WNT10A: variants seen among roughly 807,000 people sequenced by gnomAD.
WNT10A encodes the protein protein Wnt-10a.
In WNT10A, 37 loss-of-function variants were observed where a neutral mutation model predicts 36.1. The observed-to-expected ratio is 1.02, with a 90% CI of 0.79 to 1.35. The LOEUF (loss-of-function observed/expected upper bound fraction) is 1.35. Ranked by LOEUF, WNT10A falls within the 40% of genes most tolerant of loss-of-function variation. The pLI is 0.00. For missense variants in WNT10A, 613 were observed against 601.4 expected (o/e 1.02, Z -0.20); for synonymous variants, 255 against 254.1 (o/e 1.00, Z -0.03).
Position 218,882,189 on chromosome 2 carries a change from C to A in WNT10A, c.142C>A (p.Arg48Ser). 6.2e-7 allele frequency: 1 copy of A among 1,614,116 alleles called. No individual in the cohort carries two copies. The highest frequency in any genetic ancestry group is 8.5e-7 in the Non-Finnish European group (1 of 1,180,006). Residue 48 changes from arginine (R) to serine (S), a missense_variant, in exon 2 of 4, where the codon CGC (arginine) becomes AGC (serine). Coordinates refer to ENST00000258411, the MANE Select transcript of WNT10A (RefSeq NM_025216.3). ...AGCACCCAATGACATTCTGGACCTC[C>A]GCCTCCCCCCGGAGCCCGTGCTCAA... is the stretch of plus-strand genomic sequence containing the variant. ...RSAPNDILDL[R>S]LPPEPVLNAN...
intron 2 of WNT10A, among the ~76,000 whole-genome samples, chr2:218,882,768 A>G (rs887827946): frequency 2.6e-5 from 4 of 152,120 alleles, no homozygotes; most frequent in African/African-American, 7.2e-5. Flanking sequence ...TGCTTAGTAA[A>G]CCACATTTAG....
At chr2:218,889,305 T>C (rs1316145701) in intron 2 of WNT10A, among the ~76,000 whole-genome samples, 1 of 152,278 alleles carries the variant, frequency 6.6e-6, no homozygotes, top group African/African-American at 2.4e-5. Context: ...ATACTGCAAT[T>C]TCTTTATCCA....
chr2:218,882,055 T>G (rs1170294663), intron 1 of WNT10A, 106 bp from the exon 2 acceptor site: 7 of 1,442,314 alleles, frequency 4.9e-6, no homozygotes, highest in Non-Finnish European at 6.6e-6. Flanking sequence ...GAAGCAGAGG[T>G]TGGAAGAGGG....
At chr2:218,884,838 G>A (rs113239763) in intron 2 of WNT10A, among the ~76,000 whole-genome samples, 11 of 152,278 alleles carry the variant, frequency 7.2e-5, no homozygotes, top group African/African-American at 2.2e-4. Context: ...GGTGACCTCC[G>A]TTTCCTCCAA....
At chr2:218,885,357 T>A (rs1463348484) in intron 2 of WNT10A, among the ~76,000 whole-genome samples, 1 of 152,104 alleles carries the variant, frequency 6.6e-6, no homozygotes, top group East Asian at 1.9e-4. Flanking sequence ...CTGGGCTGGG[T>A]ACTGGGCAGA....
intron 2 of WNT10A, among the ~76,000 whole-genome samples, chr2:218,888,165 G>A (rs1944599417): frequency 6.6e-6 from 1 of 152,260 alleles, no homozygotes; most frequent in South Asian, 2.1e-4. Context: ...GATTGGCCCA[G>A]GCCTCTGGCT....
chr2:218,890,047 A>T lies in WNT10A; in HGVS notation c.440A>T (p.Asn147Ile). The T allele has an allele frequency of 1.2e-6, 2 of 1,613,900 alleles. No homozygotes were observed. Among genetic ancestry groups the T allele is most frequent in the Non-Finnish European group, 1.7e-6 (2 of 1,180,044 alleles). Reference sequence around the variant, plus strand: ...GCTGGCGTGGTGCACGCCGTGTCCAATGCGTGTGCCCTGGGCAAACTGAAG... The same window carrying T: ...GCTGGCGTGGTGCACGCCGTGTCCATTGCGTGTGCCCTGGGCAAACTGAAG... Reference protein sequence around the residue: ...AAAGVVHAVSNACALGKLKAC... With the variant: ...AAAGVVHAVSIACALGKLKAC... The change falls in exon 3 of 4, where the codon AAT becomes ATT. Residue 147 changes from asparagine to isoleucine, a missense_variant. Coordinates refer to ENST00000258411, the MANE Select transcript of WNT10A (RefSeq NM_025216.3).
chr2:218,878,962 T>C (rs1164850892), upstream of WNT10A, among the ~76,000 whole-genome samples: 2 of 152,106 alleles, frequency 1.3e-5, no homozygotes, highest in Non-Finnish European at 2.9e-5. The surrounding 1 kb of genome is among the most constrained non-coding windows in gnomAD (Gnocchi z 4.1). Context: ...TGCAGCATGG[T>C]AGGGAGAGTG....
intron 2 of WNT10A, among the ~76,000 whole-genome samples, chr2:218,888,349 C>T (rs1944601337): frequency 6.6e-6 from 1 of 152,250 alleles, no homozygotes; most frequent in South Asian, 2.1e-4. Context: ...TCCAGGTGTT[C>T]CCAGAGAATG....
upstream of WNT10A, among the ~76,000 whole-genome samples, chr2:218,877,526 C>T (rs946585215): frequency 1.3e-5 from 2 of 152,214 alleles, no homozygotes; most frequent in East Asian, 3.8e-4. The surrounding 1 kb of genome is among the most constrained non-coding windows in gnomAD (Gnocchi z 4.1). Context: ...CAGCCTCAGG[C>T]AGTCTGAGCC....
At chr2:218,885,973 A>G (rs1944572795) in intron 2 of WNT10A, among the ~76,000 whole-genome samples, 1 of 152,184 alleles carries the variant, frequency 6.6e-6, no homozygotes, top group Admixed American at 6.5e-5. Flanking sequence ...TCCTATTATT[A>G]TTATTGTACA....
In WNT10A at chr2:218,893,607, T is replaced by G; in HGVS notation, c.*336T>G. ...AGTCTGTCTCCATCCTTTCACCCCTTCCCTGGAGATGGGAGGTGGGGAATG... is the reference window on the plus strand; with the variant it reads ...AGTCTGTCTCCATCCTTTCACCCCTGCCCTGGAGATGGGAGGTGGGGAATG... On this transcript the variant is annotated 3_prime_UTR_variant, in exon 4 of 4. Transcript: ENST00000258411. This position sits in a 1 kb window ranked among gnomAD's most constrained non-coding sequence, Gnocchi z 6.3. 2 of 289,846 alleles carry G rather than the reference T, an allele frequency of 6.9e-6. No individual in the cohort carries two copies. The highest frequency in any genetic ancestry group is 6.4e-6 in the Non-Finnish European group (1 of 156,808). 18.0% of individuals were successfully genotyped at this position (289,846 alleles called of 1,614,324 possible). A position where few individuals can be genotyped will look rare whatever the true frequency, so the allele number is the denominator to read the frequency against.
the WNT10A span, among the ~76,000 whole-genome samples, chr2:218,874,877 C>T: frequency 0.02 from 3,055 of 152,260 alleles, 100 homozygotes; most frequent in African/African-American, 0.069. Context: ...ACATAACAAA[C>T]AACCCCAAAG....
rs543063101 is a variant in WNT10A, at chr2:218,890,040, G to C, written c.433G>C (p.Val145Leu). The C allele has an allele frequency of 6.2e-7, 1 of 1,613,940 alleles. No homozygotes were observed. The highest frequency in any genetic ancestry group is 8.5e-7 in the Non-Finnish European group (1 of 1,180,040). ...CGCAGCAGCTGGCGTGGTGCACGCC[G>C]TGTCCAATGCGTGTGCCCTGGGCAA... The part of the protein sequence containing the change: ...AIAAAGVVHA[V>L]SNACALGKLK... Residue 145 changes from valine to leucine, a missense_variant, in exon 3 of 4, where the codon GTG becomes CTG. By Grantham distance (32) the Val-to-Leu change is conservative. Coordinates refer to ENST00000258411, the MANE Select transcript of WNT10A (RefSeq NM_025216.3).
intron 2 of WNT10A, among the ~76,000 whole-genome samples, chr2:218,884,970 C>T (rs1274059910): frequency 6.6e-6 from 1 of 152,168 alleles, no homozygotes; most frequent in East Asian, 1.9e-4. Context: ...TCCCAGGTCC[C>T]TTGGGCCTTC....
chr2:218,884,487 C>G (rs183528210), intron 2 of WNT10A, among the ~76,000 whole-genome samples: 11 of 152,228 alleles, frequency 7.2e-5, no homozygotes, highest in South Asian at 2.1e-4. Flanking sequence ...GGCTTCCGCT[C>G]CCCAGCTCCC....
At chr2:218,892,682 T>C in intron 3 of WNT10A, 92 bp from the exon 4 acceptor site, 4 of 1,530,834 alleles carry the variant, frequency 2.6e-6, no homozygotes, top group Non-Finnish European at 2.6e-6. Flanking sequence ...CTCTGTATAA[T>C]GGGAGTGGGT....
chr2:218,892,726 G>C (rs1341984208), intron 3 of WNT10A, 48 bp from the exon 4 acceptor site: 3 of 1,552,328 alleles, frequency 1.9e-6, no homozygotes, highest in African/African-American at 1.4e-5. Flanking sequence ...GCTGGGAGGG[G>C]AGTGGGGCTG....
At chr2:218,882,455 C>T (rs1264123210) in intron 2 of WNT10A, 32 bp downstream of exon 2, 4 of 1,613,036 alleles carry the variant, frequency 2.5e-6, no homozygotes, top group African/African-American at 1.3e-5. Flanking sequence ...CCCTGCCTGC[C>T]CCATCCAGCA....
Sources: allele counts gnomAD v4.1 joint callset (sites outside exome capture counted in the v4.1 genomes callset), GRCh38; gene constraint gnomAD v4.1.1; non-coding constraint Gnocchi (gnomAD v3.1); transcripts MANE v1.5; gene names NCBI Gene and HGNC (gene_info 2026-07-23, HGNC 2026-07-21).